The following PDE3B variants were observed in gnomAD, a reference collection of about 807,000 sequenced individuals.
PDE3B encodes phosphodiesterase 3B.
A neutral mutation model predicts 116.8 loss-of-function variants in PDE3B; 66 were observed. The observed-to-expected ratio is 0.56, with a 90% confidence interval of 0.46 to 0.69. The LOEUF (loss-of-function observed/expected upper bound fraction) is 0.69. Ranked by LOEUF, PDE3B falls within the 30% of genes least tolerant of loss-of-function variation. The pLI, the probability that PDE3B is intolerant of heterozygous loss-of-function variation, is 0.00. For missense variants in PDE3B, 1,384 were observed against 1,368.1 expected, an observed-to-expected ratio of 1.01 and a Z score of -0.18; for synonymous variants, 595 against 533.6, an observed-to-expected ratio of 1.12 and a Z score of -1.59.
intron 1 of PDE3B, among the ~76,000 whole-genome samples, chr11:14,709,441 A>G (rs1855632371): frequency 2.0e-5 from 3 of 152,192 alleles, no homozygotes; most frequent in African/African-American, 7.2e-5. Context: ...GTTTTTCCAT[A>G]TAAGATTTGT....
intron 2 of PDE3B, among the ~76,000 whole-genome samples, chr11:14,780,664 T>C (rs534377946): frequency 2.3e-3 from 343 of 151,694 alleles, no homozygotes; most frequent in African/African-American, 4.3e-3. Context: ...ACATTTAAAG[T>C]AGTGTGTAGA....
At chr11:14,836,341 A>G (rs1391440649) in intron 11 of PDE3B, among the ~76,000 whole-genome samples, 2 of 152,130 alleles carry the variant, frequency 1.3e-5, no homozygotes, top group East Asian at 3.8e-4. Context: ...TAAATATAAT[A>G]TGTTCCTTTT....
the PDE3B span, among the ~76,000 whole-genome samples, chr11:14,892,453 T>A: frequency 6.6e-6 from 1 of 152,178 alleles, no homozygotes; most frequent in Non-Finnish European, 1.5e-5. Flanking sequence ...GGCGGAGCAA[T>A]GAGCCAGGAG....
chr11:14,789,282 G>T, intron 4 of PDE3B, 40 bp downstream of exon 4: 1 of 1,509,938 alleles, frequency 6.6e-7, no homozygotes, highest in Non-Finnish European at 9.1e-7. Context: ...TGAATCAAAT[G>T]CATCTACTTT....
chr11:14,667,290 G>A (rs1051751309), intron 1 of PDE3B, among the ~76,000 whole-genome samples: 17 of 150,148 alleles, frequency 1.1e-4, no homozygotes, highest in East Asian at 2.0e-4. Context: ...GTTGTGGGGT[G>A]GGGGGAGTGG....
chr11:14,823,409 C>T (rs572481828), intron 7 of PDE3B, among the ~76,000 whole-genome samples: 12 of 152,054 alleles, frequency 7.9e-5, no homozygotes, highest in African/African-American at 2.9e-4. Context: ...GGCAAGCTGC[C>T]ATCTTTGCTG....
At chr11:14,703,814 A>C (rs1478646913) in intron 1 of PDE3B, among the ~76,000 whole-genome samples, 2 of 151,246 alleles carry the variant, frequency 1.3e-5, no homozygotes. Flanking sequence ...TACTAGTTTA[A>C]TATTTTTCTT....
At chr11:14,880,764 T>C in the PDE3B span, 3 of 1,606,404 alleles carry the variant, frequency 1.9e-6, no homozygotes, top group Non-Finnish European at 2.5e-6. Context: ...TGGAATTGAG[T>C]AAGCCTGAAA....
chr11:14,815,900 A>G (rs1485264182), intron 5 of PDE3B, among the ~76,000 whole-genome samples: 1 of 152,092 alleles, frequency 6.6e-6, no homozygotes, highest in Non-Finnish European at 1.5e-5. Flanking sequence ...TCTTTTATTT[A>G]TCATCAGATT....
intron 1 of PDE3B, among the ~76,000 whole-genome samples, chr11:14,752,944 A>G (rs997616484): frequency 1.3e-5 from 2 of 151,830 alleles, no homozygotes; most frequent in Non-Finnish European, 2.9e-5. Context: ...CATTTATTCC[A>G]TTGCTTTGGG....
At chr11:14,828,327 A>G (rs1480774959) in intron 7 of PDE3B, among the ~76,000 whole-genome samples, 1 of 152,236 alleles carries the variant, frequency 6.6e-6, no homozygotes, top group Non-Finnish European at 1.5e-5. Flanking sequence ...AATGGGATGT[A>G]ATTATACTAA....
Position 14,706,382 on chromosome 11 carries a change from A to G in PDE3B, c.978+61329A>G, listed in dbSNP as rs146370446. ...TTTCTGAGCATCTATAATTCAGTTA[A>G]GAAGGTGACTGAAAATTGCAGTTTA... On this transcript the variant is annotated intron_variant, in intron 1 of 15. Transcript: ENST00000282096. Among the ~76,000 whole-genome samples the G allele has an allele frequency of 4.1e-3, 626 of 152,086 alleles. 1 individual carries two copies. In the Middle Eastern group the frequency reaches 0.044, roughly 11 times the overall value.
At chr11:14,869,187 C>G (rs1202532585) in intron 15 of PDE3B, among the ~76,000 whole-genome samples, 1 of 152,066 alleles carries the variant, frequency 6.6e-6, no homozygotes, top group Non-Finnish European at 1.5e-5. Context: ...AACCTCTTCT[C>G]TATTTTGTTT....
chr11:14,725,018 A>G (rs1455454625), intron 1 of PDE3B, among the ~76,000 whole-genome samples: 1 of 152,252 alleles, frequency 6.6e-6, no homozygotes, highest in Non-Finnish European at 1.5e-5. Flanking sequence ...AATACTTTAG[A>G]TAGGTACAGG....
chr11:14,791,105 T>C (rs1489362812), intron 4 of PDE3B, among the ~76,000 whole-genome samples: 1 of 152,150 alleles, frequency 6.6e-6, no homozygotes, highest in Non-Finnish European at 1.5e-5. Flanking sequence ...TGTGACTGTT[T>C]TGTAGACATA....
chr11:14,673,931 A>G, intron 1 of PDE3B: 1 of 1,400,772 alleles, frequency 7.1e-7, no homozygotes, highest in Admixed American at 1.7e-5. Context: ...ACTCCTTATT[A>G]TCTGTGTTTC....
chr11:14,837,320 T>G (rs776867392), intron 11 of PDE3B, among the ~76,000 whole-genome samples: 1 of 152,242 alleles, frequency 6.6e-6, no homozygotes, highest in Non-Finnish European at 1.5e-5. Flanking sequence ...TATCAAGTCC[T>G]TATTCCTCTT....
chr11:14,866,539 G>GA (rs1848050985), intron 14 of PDE3B, among the ~76,000 whole-genome samples: 1 of 152,066 alleles, frequency 6.6e-6, no homozygotes. Flanking sequence ...ACTGTTTTTG[G>GA]AAAAATATCA....
intron 1 of PDE3B, among the ~76,000 whole-genome samples, chr11:14,758,843 G>T (rs1857270647): frequency 1.3e-5 from 2 of 151,614 alleles, no homozygotes; most frequent in South Asian, 2.1e-4. Context: ...CCTGTCTTGT[G>T]CCAGTTTTCA....
Sources: allele counts gnomAD v4.1 joint callset (sites outside exome capture counted in the v4.1 genomes callset), GRCh38; gene constraint gnomAD v4.1.1; transcripts MANE v1.5; gene names NCBI Gene and HGNC (gene_info 2026-07-23, HGNC 2026-07-21).